ELMO1: variants seen among roughly 807,000 people sequenced by gnomAD.
ELMO1 encodes the protein engulfment and cell motility protein 1.
ELMO1 carries 26 observed loss-of-function variants against 98.9 expected under a neutral mutation model. The observed-to-expected ratio is 0.26, with a 90% CI of 0.19 to 0.36. The LOEUF is 0.36. Ranked by LOEUF, ELMO1 falls within the 10% of genes least tolerant of loss-of-function variation. The pLI, the probability that ELMO1 is intolerant of heterozygous loss-of-function variation, is 1.00. For missense variants in ELMO1, 627 were observed against 935.2 expected (o/e 0.67, Z 4.30); for synonymous variants, 346 against 346.0 (o/e 1.00, Z 0.00).
chr7:37,324,134 A>G (rs1431423122), intron 2 of ELMO1, among the ~76,000 whole-genome samples: 1 of 152,056 alleles, frequency 6.6e-6, no homozygotes, highest in Non-Finnish European at 1.5e-5. Context: ...TCTGATGAGC[A>G]CTGGCAGGCC....
intron 15 of ELMO1, 54 bp downstream of exon 15, chr7:37,096,565 T>G: frequency 6.6e-7 from 1 of 1,509,822 alleles, no homozygotes; most frequent in Non-Finnish European, 9.2e-7. Flanking sequence ...GGCACAACCC[T>G]GGAAGCTGGG....
intron 14 of ELMO1, among the ~76,000 whole-genome samples, chr7:37,126,325 A>ATATATATATC (rs1563019707): frequency 6.8e-6 from 1 of 147,050 alleles, no homozygotes; most frequent in Non-Finnish European, 1.5e-5. Flanking sequence ...ATATATATAT[A>ATATATATATC]TATAAAAGAA....
chr7:37,234,483 G>A (rs1794353187), intron 7 of ELMO1, among the ~76,000 whole-genome samples: 2 of 152,126 alleles, frequency 1.3e-5, no homozygotes, highest in South Asian at 4.1e-4. Flanking sequence ...CTATAGAAGG[G>A]GAAGTGGTTC....
At chr7:37,244,271 T>C (rs1794891281) in intron 7 of ELMO1, 85 bp downstream of exon 7, 4 of 1,388,508 alleles carry the variant, frequency 2.9e-6, no homozygotes, top group Non-Finnish European at 4.0e-6. Flanking sequence ...TGCATAGTTA[T>C]ACAATCAGTC....
chr7:36,874,776 T>C (rs1220428156), intron 19 of ELMO1, among the ~76,000 whole-genome samples: 1 of 152,104 alleles, frequency 6.6e-6, no homozygotes, highest in African/African-American at 2.4e-5. Flanking sequence ...TGGGGTCCTA[T>C]GTTTATTGGG....
rs1452770380 is a variant in ELMO1 at position 36,854,648 on chromosome 7, G to A, written c.*903C>T. ...ACAGCTTGACCATCCTGTGGAACTT[G>A]AGTTGCAGCAGGACCTCCCAGGAGA... On this transcript the variant is annotated 3_prime_UTR_variant, in exon 22 of 22. Transcript: ENST00000310758. The A allele has an allele frequency of 6.6e-6, 1 of 152,498 alleles. No individual in the cohort carries two copies. Among genetic ancestry groups the A allele is most frequent in the Non-Finnish European group, 1.5e-5 (1 of 68,032 alleles). The allele number at this position is 152,498 out of a possible 1,614,324, so 9.4% of individuals were successfully genotyped here. A position where few individuals can be genotyped will look rare whatever the true frequency, so the allele number is the denominator to read the frequency against.
At chr7:36,881,762 T>C (rs1297072674) in intron 18 of ELMO1, among the ~76,000 whole-genome samples, 1 of 152,184 alleles carries the variant, frequency 6.6e-6, no homozygotes, top group Admixed American at 6.5e-5. Flanking sequence ...ACATAGATTG[T>C]TATGGAGCTA....
chr7:37,364,817 C>T (rs1028865179), intron 1 of ELMO1, among the ~76,000 whole-genome samples: 1 of 152,092 alleles, frequency 6.6e-6, no homozygotes, highest in Non-Finnish European at 1.5e-5. Context: ...AAAAGTGAAT[C>T]CTATTGAAGG....
chr7:37,345,145 C>T (rs1490846665), intron 1 of ELMO1, among the ~76,000 whole-genome samples: 1 of 152,188 alleles, frequency 6.6e-6, no homozygotes, highest in Non-Finnish European at 1.5e-5. Context: ...TGCTGAGAAG[C>T]TAATCAGTGG....
intron 13 of ELMO1, among the ~76,000 whole-genome samples, chr7:37,175,927 T>A (rs1372068246): frequency 6.6e-6 from 1 of 152,322 alleles, no homozygotes; most frequent in Admixed American, 6.5e-5. Flanking sequence ...TCTCAGTGTA[T>A]AAGAACATAG....
intron 15 of ELMO1, among the ~76,000 whole-genome samples, chr7:37,024,850 G>A (rs1461133585): frequency 6.6e-6 from 1 of 152,058 alleles, no homozygotes; most frequent in Non-Finnish European, 1.5e-5. Flanking sequence ...AACTTGTGGT[G>A]AAATCTTATT....
chr7:37,008,200 T>C (rs568680035), intron 16 of ELMO1, among the ~76,000 whole-genome samples: 18 of 152,358 alleles, frequency 1.2e-4, no homozygotes, highest in African/African-American at 4.1e-4. Flanking sequence ...AATATTTTGA[T>C]GGTTTATAAA....
chr7:36,945,278 CCT>C (rs1210813423), intron 16 of ELMO1, among the ~76,000 whole-genome samples: 3 of 152,162 alleles, frequency 2.0e-5, no homozygotes, highest in African/African-American at 7.2e-5. Context: ...CTTCTAGAAT[CCT>C]CTGACTCACT....
At chr7:36,880,671 C>A (rs1330170439) in intron 18 of ELMO1, among the ~76,000 whole-genome samples, 1 of 152,138 alleles carries the variant, frequency 6.6e-6, no homozygotes, top group Non-Finnish European at 1.5e-5. Context: ...TTCTTCAAGG[C>A]AGCTAAGAGA....
At chr7:37,265,911 G>C (rs1030687857) in intron 5 of ELMO1, among the ~76,000 whole-genome samples, 4 of 151,646 alleles carry the variant, frequency 2.6e-5, no homozygotes, top group African/African-American at 9.7e-5. Flanking sequence ...GCACCGGGAG[G>C]AACAGGACAT....
At chr7:37,092,366 CTTTTTTTTTTTTT>C (rs537388417) in intron 15 of ELMO1, among the ~76,000 whole-genome samples, 1,017 of 68,908 alleles carry the variant, frequency 0.015, 20 homozygotes, top group African/African-American at 0.044. Context: ...TACCCATATT[CTTTTTTTTTTTTT>C]TTTTTTTTTT....
chr7:37,331,483 C>T (rs920177813), intron 2 of ELMO1, among the ~76,000 whole-genome samples: 13 of 151,762 alleles, frequency 8.6e-5, no homozygotes, highest in Non-Finnish European at 1.9e-4. Flanking sequence ...CGCCCAGTGA[C>T]TACTGCATTT....
At chr7:37,212,255 G>A (rs1793017824) in intron 12 of ELMO1, among the ~76,000 whole-genome samples, 2 of 152,246 alleles carry the variant, frequency 1.3e-5, no homozygotes, top group South Asian at 2.1e-4. Context: ...GTGTTTAATG[G>A]GTACAGAGTT....
chr7:37,137,788 C>T (rs749188292), intron 13 of ELMO1, among the ~76,000 whole-genome samples: 3 of 152,124 alleles, frequency 2.0e-5, no homozygotes, highest in Non-Finnish European at 4.4e-5. Flanking sequence ...CCACCCACCT[C>T]GGCCTTCCAA....
Sources: allele counts gnomAD v4.1 joint callset (sites outside exome capture counted in the v4.1 genomes callset), GRCh38; gene constraint gnomAD v4.1.1; transcripts MANE v1.5; gene names NCBI Gene and HGNC (gene_info 2026-07-23, HGNC 2026-07-21).